Variants in FRMPD4 observed in about 807,000 individuals in gnomAD.
FRMPD4 encodes FERM and PDZ domain containing 4, also known as FERM and PDZ domain-containing protein 4.
Under a neutral mutation model 94.1 loss-of-function variants are expected in FRMPD4, and 22 were observed. The observed-to-expected ratio is 0.23, with a 90% CI of 0.17 to 0.33. The LOEUF is 0.33. FRMPD4 is among the 10% of genes least tolerant of loss of function. The probability of loss-of-function intolerance (pLI) is 1.00; values close to 1 mark genes in which losing one functional copy is unlikely to be tolerated. For synonymous variants in FRMPD4, 631 were observed against 548.6 expected, an observed-to-expected ratio of 1.15 and a Z score of -2.10; for missense variants, 1,111 against 1,339.9, an observed-to-expected ratio of 0.83 and a Z score of 2.67.
chrX:12,455,663 C>T (rs2057325786), intron 1 of FRMPD4, among the ~76,000 whole-genome samples: 1 of 111,413 alleles, frequency 9.0e-6, no homozygotes, highest in South Asian at 3.8e-4. Flanking sequence ...CATCATTGGA[C>T]CAAGTCAAGT....
intron 3 of FRMPD4, among the ~76,000 whole-genome samples, chrX:11,987,105 A>AAAAC: frequency 1.4e-5 from 1 of 70,674 alleles, no homozygotes; most frequent in Middle Eastern, 6.8e-3. Flanking sequence ...CATTAAAAAA[A>AAAAC]AAAAAAAAAA....
chrX:12,264,920 G>C (rs2054248762), intron 1 of FRMPD4, among the ~76,000 whole-genome samples: 1 of 112,066 alleles, frequency 8.9e-6, no homozygotes, highest in African/African-American at 3.2e-5. Context: ...CTCCTAAGTA[G>C]GCTCAGGGTT....
intron 3 of FRMPD4, among the ~76,000 whole-genome samples, chrX:12,115,410 T>C (rs934659859): frequency 9.0e-6 from 1 of 111,418 alleles, no homozygotes; most frequent in Non-Finnish European, 1.9e-5. Context: ...ACTCGTGAGC[T>C]GAAGTGATCC....
At chrX:12,223,630 G>A (rs1051433646) in intron 1 of FRMPD4, among the ~76,000 whole-genome samples, 8 of 112,080 alleles carry the variant, frequency 7.1e-5, no homozygotes, top group African/African-American at 2.6e-4. Context: ...AGGAACTGGC[G>A]AACTGTTTTC....
chrX:12,603,676 G>T (rs1242544157), intron 2 of FRMPD4, among the ~76,000 whole-genome samples: 1 of 111,189 alleles, frequency 9.0e-6, no homozygotes, highest in Non-Finnish European at 1.9e-5. Context: ...TGGGGACAGA[G>T]GATGGAGGTT....
At chrX:12,417,836 C>G (rs961685686) in intron 1 of FRMPD4, among the ~76,000 whole-genome samples, 4 of 107,196 alleles carry the variant, frequency 3.7e-5, no homozygotes, top group Non-Finnish European at 7.7e-5. Flanking sequence ...GGTGAAACCC[C>G]GTCTCTACTT....
upstream of FRMPD4, among the ~76,000 whole-genome samples, chrX:12,137,939 G>C (rs1163421427): frequency 8.9e-6 from 1 of 112,005 alleles, no homozygotes; most frequent in Non-Finnish European, 1.9e-5. Context: ...GTTAGAATTA[G>C]CCTCCGCATC....
intron 1 of FRMPD4, among the ~76,000 whole-genome samples, chrX:12,415,468 A>G (rs761357486): frequency 4.5e-5 from 5 of 111,768 alleles, no homozygotes; most frequent in African/African-American, 1.3e-4. Flanking sequence ...TTGAAAAAAT[A>G]TGATTAAAGG....
At chrX:11,974,601 T>C (rs2054357835) in intron 3 of FRMPD4, among the ~76,000 whole-genome samples, 1 of 112,190 alleles carries the variant, frequency 8.9e-6, no homozygotes, top group East Asian at 2.8e-4. Flanking sequence ...CCCAGAAGTT[T>C]AAGAGGTATG....
At chrX:12,663,479 G>A (rs776889181) in intron 4 of FRMPD4, among the ~76,000 whole-genome samples, 10 of 111,883 alleles carry the variant, frequency 8.9e-5, no homozygotes, top group Admixed American at 1.9e-4. Context: ...GTTTTTGTCC[G>A]GTTTGTCAGA....
intron 1 of FRMPD4, chrX:12,341,706 AT>A: frequency 3.3e-6 from 1 of 307,028 alleles, no homozygotes; most frequent in Non-Finnish European, 6.3e-6. Context: ...ATTACATTTG[AT>A]TTTTGCTGGT....
At chrX:12,606,320 A>G (rs2059132089) in intron 2 of FRMPD4, among the ~76,000 whole-genome samples, 2 of 111,713 alleles carry the variant, frequency 1.8e-5, no homozygotes, top group Admixed American at 9.5e-5. Context: ...AGGGCGTACT[A>G]TAATCCATCC....
Position 12,674,907 on chromosome X carries a change from C to T in FRMPD4, c.467C>T (p.Pro156Leu), listed in dbSNP as rs749702898. 8.8e-7 allele frequency: 1 copy of T among 1,139,955 alleles called. No homozygotes were observed. Among genetic ancestry groups the T allele is most frequent in the East Asian group, 3.0e-5 (1 of 33,589 alleles). 93.9% of individuals were successfully genotyped at this position (1,139,955 alleles called of 1,213,427 possible). The change falls in exon 5 of 17, where the codon CCT (proline) becomes CTT (leucine). Residue 156 changes from proline to leucine, a missense_variant and splice_region_variant. Pro to Leu is a moderately conservative substitution (Grantham distance 98, BLOSUM62 -3). This residue lies in a region of FRMPD4 where 140 missense variants were observed against 165.9 expected (regional missense o/e 0.84). Transcript: ENST00000675598. ...SILLTVIQPY[P>L]SPKSAFISAA... ...CTCCTCACTGTCATTCAGCCTTACCCTGTAAGTGTTCTGTGAATAAAAGTG... is the reference window on the plus strand; with the variant it reads ...CTCCTCACTGTCATTCAGCCTTACCTTGTAAGTGTTCTGTGAATAAAAGTG...
At chrX:12,096,900 C>G (rs889704101) in intron 3 of FRMPD4, among the ~76,000 whole-genome samples, 2 of 110,768 alleles carry the variant, frequency 1.8e-5, no homozygotes, top group African/African-American at 6.6e-5. Context: ...AACAAACAAA[C>G]AAAAACACAT....
intron 1 of FRMPD4, among the ~76,000 whole-genome samples, chrX:12,180,180 T>C (rs1003037110): frequency 1.8e-5 from 2 of 112,159 alleles, no homozygotes; most frequent in Admixed American, 1.9e-4. Context: ...TGTACATAAT[T>C]ATATTTAATT....
chrX:12,007,150 C>A (rs1766333543), intron 3 of FRMPD4, among the ~76,000 whole-genome samples: 1 of 111,503 alleles, frequency 9.0e-6, no homozygotes, highest in Admixed American at 9.5e-5. Flanking sequence ...CTGGAAACAC[C>A]CATTCTTGGA....
chrX:11,838,254 C>CA (rs910331279), intron 1 of FRMPD4, among the ~76,000 whole-genome samples: 7 of 110,703 alleles, frequency 6.3e-5, no homozygotes, highest in African/African-American at 2.3e-4. Context: ...TCCCCACCCA[C>CA]AAAAAAACTG....
At chrX:12,111,090 A>G (rs1276178771) in intron 3 of FRMPD4, among the ~76,000 whole-genome samples, 1 of 111,845 alleles carries the variant, frequency 8.9e-6, no homozygotes, top group East Asian at 2.8e-4. Flanking sequence ...ATATGGAACC[A>G]AAAAAGGGCC....
chrX:11,850,085 A>G (rs1013189791), intron 1 of FRMPD4, among the ~76,000 whole-genome samples: 3 of 112,015 alleles, frequency 2.7e-5, no homozygotes, highest in African/African-American at 6.5e-5. Flanking sequence ...CTCAACAACA[A>G]ACCAAATAAC....
Sources: allele counts gnomAD v4.1 joint callset (sites outside exome capture counted in the v4.1 genomes callset), GRCh38; gene constraint gnomAD v4.1.1; regional missense constraint gnomAD v4.1.1; transcripts MANE v1.5; gene names NCBI Gene and HGNC (gene_info 2026-07-23, HGNC 2026-07-21).